Variants in MAP3K5 observed in about 807,000 individuals in gnomAD.
MAP3K5 encodes ASK-1.
In MAP3K5, 56 loss-of-function variants were observed where a neutral mutation model predicts 158.7. The observed-to-expected ratio is 0.35, with a 90% CI of 0.28 to 0.44. MAP3K5 has a LOEUF of 0.44. MAP3K5 is among the 20% of genes least tolerant of loss of function. MAP3K5 has a pLI of 1.00. For synonymous variants in MAP3K5, 579 were observed against 601.7 expected, an observed-to-expected ratio of 0.96 and a Z score of 0.55; for missense variants, 1,294 against 1,674.8, an observed-to-expected ratio of 0.77 and a Z score of 3.97.
intron 26 of MAP3K5, among the ~76,000 whole-genome samples, chr6:136,565,212 C>G (rs1032557961): frequency 2.0e-5 from 3 of 152,164 alleles, no homozygotes; most frequent in African/African-American, 4.8e-5. Context: ...TAAGAACAAT[C>G]CAGTACATCA....
At chr6:136,696,160 T>C (rs1780592806) in intron 5 of MAP3K5, 103 bp from the exon 6 acceptor site, 2 of 635,712 alleles carry the variant, frequency 3.1e-6, no homozygotes, top group Admixed American at 3.1e-5. Context: ...AGAAACACAT[T>C]AAAAAGACAC....
chr6:136,633,423 ATG>A (rs887996020), intron 14 of MAP3K5, among the ~76,000 whole-genome samples: 1 of 142,578 alleles, frequency 7.0e-6, no homozygotes, highest in Non-Finnish European at 1.6e-5. Flanking sequence ...AAATAAATAT[ATG>A]TATATATATA....
intron 7 of MAP3K5, among the ~76,000 whole-genome samples, chr6:136,681,517 T>C (rs1171461241): frequency 4.6e-5 from 7 of 152,088 alleles, no homozygotes; most frequent in Non-Finnish European, 1.0e-4. Flanking sequence ...TCAGTAGTCA[T>C]GGATACTTCA....
chr6:136,766,731 C>A (rs1269326600), intron 1 of MAP3K5, among the ~76,000 whole-genome samples: 1 of 152,146 alleles, frequency 6.6e-6, no homozygotes, highest in Non-Finnish European at 1.5e-5. Context: ...ATTTCTTCAT[C>A]TTGTATCTTA....
chr6:136,733,997 T>G (rs1782342157), intron 1 of MAP3K5, among the ~76,000 whole-genome samples: 1 of 152,144 alleles, frequency 6.6e-6, no homozygotes, highest in African/African-American at 2.4e-5. Context: ...ATTCAAAAAT[T>G]TATGTTTTAA....
intron 11 of MAP3K5, among the ~76,000 whole-genome samples, chr6:136,649,460 G>T (rs976296504): frequency 6.6e-6 from 1 of 152,140 alleles, no homozygotes; most frequent in Non-Finnish European, 1.5e-5. Flanking sequence ...TCAACCATGG[G>T]TGCACATCAG....
chr6:136,706,023 G>A (rs1781062139), intron 2 of MAP3K5, among the ~76,000 whole-genome samples: 1 of 152,104 alleles, frequency 6.6e-6, no homozygotes, highest in Non-Finnish European at 1.5e-5. Flanking sequence ...TTTGGGAGGT[G>A]GAGGCAGGTG....
intron 15 of MAP3K5, among the ~76,000 whole-genome samples, chr6:136,622,102 G>C (rs1247970652): frequency 1.4e-5 from 2 of 144,730 alleles, no homozygotes; most frequent in South Asian, 2.2e-4. Flanking sequence ...AAAAAAAAAA[G>C]AAATAGTGAC....
At chr6:136,778,625 T>C (rs1784488144) in intron 1 of MAP3K5, among the ~76,000 whole-genome samples, 1 of 152,240 alleles carries the variant, frequency 6.6e-6, no homozygotes, top group Non-Finnish European at 1.5e-5. Context: ...CCTGTAATCA[T>C]GATAGTAATA....
chr6:136,712,976 C>A (rs150286378), intron 2 of MAP3K5, among the ~76,000 whole-genome samples: 63 of 152,204 alleles, frequency 4.1e-4, no homozygotes, highest in Admixed American at 1.8e-3. Flanking sequence ...TATAAATTAC[C>A]CAGTCTCAGG....
At chr6:136,785,472 C>G (rs996341330) in intron 1 of MAP3K5, among the ~76,000 whole-genome samples, 1 of 152,146 alleles carries the variant, frequency 6.6e-6, no homozygotes, top group African/African-American at 2.4e-5. Flanking sequence ...AAGGCCCGGG[C>G]GGATGTGAAG....
intron 23 of MAP3K5, 85 bp downstream of exon 23, chr6:136,592,088 A>C: frequency 7.7e-7 from 1 of 1,306,786 alleles, no homozygotes; most frequent in Non-Finnish European, 1.0e-6. Context: ...CTTGCCTTTC[A>C]CATCATCTGT....
rs773241677 is a variant in MAP3K5 at position 136,558,857 on chromosome 6, G to A, written c.4007C>T (p.Thr1336Ile). 1 of 1,598,444 alleles carries A rather than the reference G, an allele frequency of 6.3e-7. No individual in the cohort carries two copies. Among genetic ancestry groups the A allele is most frequent in the Non-Finnish European group, 8.6e-7 (1 of 1,167,206 alleles). Reference protein sequence around the residue: ...TISRFLAEDYTLLDVLYYVTR... With the variant: ...TISRFLAEDYILLDVLYYVTR... ...AACATAGTAGAGAACATCCAATAGT[G>A]TATAATCTTCAGCCAAAAACTGTAG... Residue 1336 changes from threonine to isoleucine, a missense_variant, in exon 29 of 30, where the codon ACA becomes ATA. Thr to Ile is a moderately conservative substitution (Grantham distance 89). This residue lies in a region of MAP3K5 where 199 missense variants were observed against 220.3 expected (regional missense o/e 0.90). Coordinates refer to ENST00000359015, the MANE Select transcript of MAP3K5 (RefSeq NM_005923.4).
chr6:136,584,867 C>T (rs1438516798), intron 23 of MAP3K5, among the ~76,000 whole-genome samples: 1 of 152,138 alleles, frequency 6.6e-6, no homozygotes. Context: ...TAAGAGTCTA[C>T]TTCCCTTATT....
Position 136,792,257 on chromosome 6 carries a change from G to C in MAP3K5, c.-100C>G. ...TGCTCCGCGCCCGCCGGGCTAAGCA[G>C]CTGCCATCGCGCGCCGCGCCCTCGC... is the stretch of plus-strand genomic sequence containing the variant. On this transcript the variant is annotated 5_prime_UTR_variant, in exon 1 of 30. Coordinates refer to ENST00000359015, the MANE Select transcript of MAP3K5 (RefSeq NM_005923.4). This position sits in a 1 kb window ranked among gnomAD's most constrained non-coding sequence, Gnocchi z 5.7. The C allele has an allele frequency of 8.2e-7, 1 of 1,220,140 alleles. No individual in the cohort carries two copies. Among genetic ancestry groups the C allele is most frequent in the Non-Finnish European group, 1.0e-6 (1 of 983,962 alleles). The allele number at this position is 1,220,140 out of a possible 1,614,324, so 75.6% of individuals were successfully genotyped here. A position where few individuals can be genotyped will look rare whatever the true frequency, so the allele number is the denominator to read the frequency against.
chr6:136,665,348 A>ATT (rs11421136), intron 8 of MAP3K5, among the ~76,000 whole-genome samples: 2,736 of 142,046 alleles, frequency 0.019, 92 homozygotes, highest in East Asian at 0.13. Flanking sequence ...GAAGAGCTGT[A>ATT]TTTTTTTTTT....
intron 28 of MAP3K5, among the ~76,000 whole-genome samples, chr6:136,559,684 T>G (rs1438262746): frequency 6.6e-6 from 1 of 152,138 alleles, no homozygotes; most frequent in Non-Finnish European, 1.5e-5. Flanking sequence ...AACTGCACCT[T>G]TATATTTTTA....
chr6:136,591,968 G>A (rs1445226720), intron 23 of MAP3K5, among the ~76,000 whole-genome samples: 1 of 152,142 alleles, frequency 6.6e-6, no homozygotes, highest in Non-Finnish European at 1.5e-5. Context: ...GTTCAAAAAT[G>A]CAATGAAAAA....
chr6:136,671,556 A>T (rs1779483407), intron 7 of MAP3K5, among the ~76,000 whole-genome samples: 1 of 152,206 alleles, frequency 6.6e-6, no homozygotes, highest in Non-Finnish European at 1.5e-5. Flanking sequence ...ATACTGTAAA[A>T]GCAAAGAAGT....
Sources: gnomAD v4.1 joint callset for allele counts (sites outside exome capture counted in the v4.1 genomes callset) on GRCh38, gnomAD v4.1.1 for gene constraint, gnomAD v4.1.1 regional missense constraint, Gnocchi (gnomAD v3.1) non-coding constraint, MANE v1.5 for transcripts, NCBI Gene and HGNC (gene_info 2026-07-23, HGNC 2026-07-21) for gene names.